DPP6: variants seen among roughly 807,000 people sequenced by gnomAD.
The protein encoded by DPP6 is dipeptidyl peptidase like 6, also known as A-type potassium channel modulatory protein DPP6.
In DPP6, 69 loss-of-function variants were observed where a neutral mutation model predicts 122.6. The ratio of observed to expected loss-of-function variants is 0.56; its 90% CI spans 0.46 to 0.69. The LOEUF (loss-of-function observed/expected upper bound fraction) is 0.69. Among genes scored for constraint, DPP6 ranks in the 30% least tolerant of loss-of-function variants. DPP6 has a pLI of 0.00. For synonymous variants in DPP6, 418 were observed against 433.1 expected, an observed-to-expected ratio of 0.97 and a Z score of 0.43; for missense variants, 928 against 1,116.9, an observed-to-expected ratio of 0.83 and a Z score of 2.41.
At chr7:154,331,738 C>G (rs1226411450) in intron 1 of DPP6, among the ~76,000 whole-genome samples, 1 of 152,182 alleles carries the variant, frequency 6.6e-6, no homozygotes, top group Non-Finnish European at 1.5e-5. Flanking sequence ...ATCCACACAG[C>G]AGGTGTGGCC....
intron 1 of DPP6, among the ~76,000 whole-genome samples, chr7:154,240,138 TCA>T (rs1201204324): frequency 6.6e-6 from 1 of 152,160 alleles, no homozygotes; most frequent in Non-Finnish European, 1.5e-5. Context: ...GTAAAATTGT[TCA>T]GAGTTGTAAT....
At chr7:153,758,497 C>T in the DPP6 span, among the ~76,000 whole-genome samples, 1 of 152,164 alleles carries the variant, frequency 6.6e-6, no homozygotes, top group African/African-American at 2.4e-5. Flanking sequence ...CTCATGCTCC[C>T]TTGTGATCTG....
intron 1 of DPP6, among the ~76,000 whole-genome samples, chr7:153,952,568 T>TA (rs1276820982): frequency 6.6e-6 from 1 of 152,242 alleles, no homozygotes; most frequent in African/African-American, 2.4e-5. Flanking sequence ...CACAGTTTAT[T>TA]ACGGAGCATC....
intron 1 of DPP6, among the ~76,000 whole-genome samples, chr7:154,022,243 A>G (rs1263171616): frequency 6.6e-6 from 1 of 152,226 alleles, no homozygotes; most frequent in Non-Finnish European, 1.5e-5. Context: ...AGTTGTCACC[A>G]GACTCTTTCT....
chr7:153,980,577 GTCT>G (rs2129037653), intron 1 of DPP6, among the ~76,000 whole-genome samples: 1 of 152,138 alleles, frequency 6.6e-6, no homozygotes, highest in East Asian at 1.9e-4. Context: ...ATTATTTACT[GTCT>G]TCTGCTAGCT....
At chr7:154,643,383 C>T (rs971132262) in intron 6 of DPP6, among the ~76,000 whole-genome samples, 18 of 151,664 alleles carry the variant, frequency 1.2e-4, no homozygotes, top group African/African-American at 4.1e-4. Context: ...GGTTGCTATC[C>T]TTAAGAAATT....
At chr7:154,765,337 C>T (rs1281224567) in intron 8 of DPP6, among the ~76,000 whole-genome samples, 1 of 152,164 alleles carries the variant, frequency 6.6e-6, no homozygotes, top group African/African-American at 2.4e-5. Flanking sequence ...TCTGTATAAG[C>T]AGCACACACA....
At chr7:154,192,144 C>T (rs1798645951) in intron 1 of DPP6, among the ~76,000 whole-genome samples, 3 of 152,208 alleles carry the variant, frequency 2.0e-5, no homozygotes, top group Non-Finnish European at 4.4e-5. Flanking sequence ...GTTCAAGATG[C>T]CTTGTCTTGG....
intron 5 of DPP6, among the ~76,000 whole-genome samples, chr7:154,626,637 A>G (rs1835084166): frequency 6.6e-6 from 1 of 152,244 alleles, no homozygotes. Context: ...AGGTTCAAGA[A>G]GAACTCACCA....
intron 1 of DPP6, among the ~76,000 whole-genome samples, chr7:154,060,818 G>A (rs1340311992): frequency 1.5e-5 from 2 of 129,424 alleles, no homozygotes; most frequent in Admixed American, 7.5e-5. Context: ...CCCCCCATGA[G>A]GCAGGGACTG....
intron 1 of DPP6, among the ~76,000 whole-genome samples, chr7:154,263,722 C>G (rs1803184502): frequency 6.6e-6 from 1 of 152,144 alleles, no homozygotes; most frequent in African/African-American, 2.4e-5. Flanking sequence ...AAGTCTCACT[C>G]TGTCACCCAG....
intron 1 of DPP6, among the ~76,000 whole-genome samples, chr7:153,931,436 A>G (rs1354793543): frequency 6.6e-6 from 1 of 152,242 alleles, no homozygotes; most frequent in African/African-American, 2.4e-5. Flanking sequence ...ATGATGGTGA[A>G]TGAGACAAGT....
chr7:154,494,928 C>T (rs560069592), intron 3 of DPP6, among the ~76,000 whole-genome samples: 5 of 152,168 alleles, frequency 3.3e-5, no homozygotes, highest in Admixed American at 1.3e-4. Flanking sequence ...GGTGCTTTCT[C>T]GAGATACAGA....
intron 5 of DPP6, among the ~76,000 whole-genome samples, chr7:154,573,852 T>C (rs1201761747): frequency 6.6e-6 from 1 of 152,224 alleles, no homozygotes; most frequent in African/African-American, 2.4e-5. Context: ...ATAATGCTGA[T>C]GTGGGCTCCT....
At chr7:154,556,442 A>G (rs1284929008) in intron 4 of DPP6, among the ~76,000 whole-genome samples, 2 of 152,224 alleles carry the variant, frequency 1.3e-5, no homozygotes, top group Non-Finnish European at 2.9e-5. Flanking sequence ...CATGAGAAAC[A>G]CTAGGGATAG....
chr7:154,242,369 T>C (rs1419949364), intron 1 of DPP6, among the ~76,000 whole-genome samples: 1 of 152,036 alleles, frequency 6.6e-6, no homozygotes, highest in African/African-American at 2.4e-5. Flanking sequence ...ACACTGACTT[T>C]AAGAGGCAAT....
At chr7:153,857,141 T>G in the DPP6 span, among the ~76,000 whole-genome samples, 1 of 152,134 alleles carries the variant, frequency 6.6e-6, no homozygotes, top group African/African-American at 2.4e-5. Flanking sequence ...CAAGTGGAAA[T>G]AACTTGTATC....
intron 1 of DPP6, among the ~76,000 whole-genome samples, chr7:154,255,218 G>T (rs1189570852): frequency 1.3e-5 from 2 of 152,162 alleles, no homozygotes; most frequent in African/African-American, 2.4e-5. Flanking sequence ...CTGAGGTCCA[G>T]TGAGCTGCCT....
intron 1 of DPP6, among the ~76,000 whole-genome samples, chr7:154,231,366 T>C (rs1800907341): frequency 6.6e-6 from 1 of 152,186 alleles, no homozygotes; most frequent in Non-Finnish European, 1.5e-5. Context: ...ATCCCAGTTT[T>C]GGGCATTCAG....
Sources: gnomAD v4.1 joint callset for allele counts (sites outside exome capture counted in the v4.1 genomes callset) on GRCh38, gnomAD v4.1.1 for gene constraint, MANE v1.5 for transcripts, NCBI Gene and HGNC (gene_info 2026-07-23, HGNC 2026-07-21) for gene names.